Variants in SYNE1 observed in about 807,000 individuals in gnomAD.
SYNE1 encodes spectrin repeat containing nuclear envelope protein 1, also known as nesprin-1.
SYNE1 carries 616 observed loss-of-function variants against 1,111.0 expected under a neutral mutation model. The observed-to-expected ratio is 0.55, with a 90% CI of 0.52 to 0.59. SYNE1 has a LOEUF of 0.59. Ranked by LOEUF, SYNE1 falls within the 20% of genes least tolerant of loss-of-function variation. The probability of loss-of-function intolerance (pLI) is 0.00; values close to 1 mark genes in which losing one functional copy is unlikely to be tolerated. For missense variants in SYNE1, 10,006 were observed against 10,417.0 expected, an observed-to-expected ratio of 0.96 and a Z score of 1.72; for synonymous variants, 3,855 against 3,825.8, an observed-to-expected ratio of 1.01 and a Z score of -0.28.
intron 46 of SYNE1, among the ~76,000 whole-genome samples, chr6:152,403,353 G>A (rs2097849651): frequency 1.3e-5 from 2 of 152,172 alleles, no homozygotes; most frequent in Admixed American, 1.3e-4. Flanking sequence ...GAGGTTTATA[G>A]TGGTGATCCC....
intron 34 of SYNE1, chr6:152,433,515 A>G (rs2098448019): frequency 6.7e-6 from 3 of 446,744 alleles, no homozygotes; most frequent in Non-Finnish European, 1.2e-5. Flanking sequence ...TTCAAAATCA[A>G]GGAAAAGAAT....
At chr6:152,316,381 C>T (rs945598204) in intron 87 of SYNE1, 9 of 195,078 alleles carry the variant, frequency 4.6e-5, no homozygotes, top group African/African-American at 2.1e-4. Context: ...TTATTTACGT[C>T]TTCATACAAA....
chr6:152,206,368 AG>A lies in SYNE1; in HGVS notation c.22825-7del, dbSNP rs762524610. 6.2e-7 allele frequency: 1 copy of A among 1,613,526 alleles called. No homozygotes were observed. The highest frequency in any genetic ancestry group is 1.1e-5 in the South Asian group (1 of 91,058). ...AGAAACACTTTTTCTTTGAACTGAA[AG>A]GAACCATAGCTTTTTATTTTCTCAT... On this transcript the variant is annotated splice_polypyrimidine_tract_variant and splice_region_variant and intron_variant, in intron 125 of 145. Coordinates refer to ENST00000367255, the MANE Select transcript of SYNE1 (RefSeq NM_182961.4).
chr6:152,508,354 A>G (rs2099068936), intron 8 of SYNE1, among the ~76,000 whole-genome samples: 1 of 152,210 alleles, frequency 6.6e-6, no homozygotes, highest in African/African-American at 2.4e-5. Context: ...TGGCCCAGAT[A>G]AGGAAAGTAA....
intron 3 of SYNE1, among the ~76,000 whole-genome samples, chr6:152,579,226 T>A (rs897408270): frequency 1.4e-4 from 21 of 152,198 alleles, no homozygotes; most frequent in Admixed American, 1.0e-3. Flanking sequence ...GGTGAGCTAT[T>A]GGGACTGCTG....
At position 152,526,080 on chromosome 6, in the gene SYNE1, C is replaced by T. The variant is rs1205399326; in HGVS notation, c.225G>A (p.Leu75=). ...TATGATCACACAAAAAAATTCTTAC[C>T]AGTTTCTGCCCAGACAGGACCTCCA... is the stretch of plus-strand genomic sequence containing the variant. ...ALLEVLSGQK[L]PCEQGRRMKR... Residue 75 remains leucine (L), a splice_region_variant and synonymous_variant, in exon 5 of 146, where the codon CTG becomes CTA. Transcript: ENST00000367255. 2 of 1,613,638 alleles carry T rather than the reference C, an allele frequency of 1.2e-6. No individual in the cohort carries two copies. Among genetic ancestry groups the T allele is most frequent in the Admixed American group, 1.7e-5 (1 of 59,956 alleles).
At chr6:152,615,412 A>G (rs1464485066) in intron 3 of SYNE1, among the ~76,000 whole-genome samples, 1 of 126,634 alleles carries the variant, frequency 7.9e-6, no homozygotes, top group Non-Finnish European at 1.7e-5. Context: ...CCAAGACTCA[A>G]TGTTGTCTTG....
intron 78 of SYNE1, among the ~76,000 whole-genome samples, chr6:152,328,615 T>C (rs1282963388): frequency 1.3e-5 from 2 of 151,894 alleles, no homozygotes; most frequent in Non-Finnish European, 2.9e-5. Flanking sequence ...TTTCACCATG[T>C]TGGTCAGGCT....
intron 6 of SYNE1, among the ~76,000 whole-genome samples, chr6:152,518,245 T>C (rs2099122274): frequency 6.7e-6 from 1 of 150,284 alleles, no homozygotes; most frequent in South Asian, 2.1e-4. Context: ...TGATATAGTT[T>C]GTATACATGT....
At chr6:152,302,581 C>T (rs1235699406) in intron 91 of SYNE1, among the ~76,000 whole-genome samples, 2 of 152,132 alleles carry the variant, frequency 1.3e-5, no homozygotes, top group African/African-American at 4.8e-5. Flanking sequence ...CCTGTCTGTT[C>T]CTATGTCTCT....
Position 152,347,143 on chromosome 6 carries a change from C to A in SYNE1, c.11994G>T (p.Leu3998=). The part of the protein sequence containing the change: ...DTLIGQCADH[L]QAKLKQNVHA... ...GCACGTTTTGTTTAAGTTTCGCTTG[C>A]AGGTGGTCTGCACATTGGCCAATCA... The change falls in exon 73 of 146, where the codon CTG becomes CTT. Residue 3998 remains leucine, a synonymous_variant. Coordinates refer to ENST00000367255, the MANE Select transcript of SYNE1 (RefSeq NM_182961.4). 6.2e-7 allele frequency: 1 copy of A among 1,614,168 alleles called. No individual in the cohort carries two copies. Among genetic ancestry groups the A allele is most frequent in the Non-Finnish European group, 8.5e-7 (1 of 1,180,038 alleles).
At chr6:152,220,321 C>T (rs2079848841) in intron 119 of SYNE1, among the ~76,000 whole-genome samples, 1 of 152,112 alleles carries the variant, frequency 6.6e-6, no homozygotes, top group Non-Finnish European at 1.5e-5. Context: ...GTTCCTTAAA[C>T]CCTTAAGTAG....
At chr6:152,436,747 T>C (rs1455874748) in intron 32 of SYNE1, among the ~76,000 whole-genome samples, 2 of 152,226 alleles carry the variant, frequency 1.3e-5, no homozygotes, top group African/African-American at 4.8e-5. Context: ...TATTCACAAA[T>C]ATGCTTACTT....
intron 127 of SYNE1, 134 bp from the exon 128 acceptor site, chr6:152,189,541 C>A: frequency 1.3e-6 from 1 of 770,822 alleles, no homozygotes; most frequent in Non-Finnish European, 2.1e-6. Flanking sequence ...GATCTAGAGG[C>A]ACATCATGGC....
rs771778910 is a variant in SYNE1, at chr6:152,189,322, G to A, written c.23231C>T (p.Ala7744Val). 6.2e-7 allele frequency: 1 copy of A among 1,613,864 alleles called. No individual in the cohort carries two copies. Among genetic ancestry groups the A allele is most frequent in the East Asian group, 2.2e-5 (1 of 44,872 alleles). Reference protein sequence around the residue: ...LKDTLSAYISADDISILNERV... With the variant: ...LKDTLSAYISVDDISILNERV... ...TTCATTAAGAATGGAGATATCATCA[G>A]CACTGATATAGGCAGAGAGGGTGTC... The change falls in exon 128 of 146, where the codon GCT becomes GTT. Residue 7744 changes from alanine to valine, a missense_variant. Physicochemically the swap from Ala to Val is moderately conservative, Grantham distance 64. This residue lies in a region of SYNE1 where 2,182 missense variants were observed against 2,287.8 expected (regional missense o/e 0.95). Transcript: ENST00000367255.
intron 3 of SYNE1, among the ~76,000 whole-genome samples, chr6:152,590,997 G>A (rs1008752368): frequency 6.6e-6 from 1 of 152,116 alleles, no homozygotes; most frequent in Non-Finnish European, 1.5e-5. Flanking sequence ...TTTTTACGAT[G>A]TTGATTCTTT....
rs368652124 is a variant in SYNE1, at chr6:152,317,135, CT to C, written c.16573-150del. The C allele has an allele frequency of 1.3e-4, 116 of 912,700 alleles. 1 individual carries two copies. In the South Asian group the frequency reaches 1.7e-3, roughly 14 times the overall value. The allele number at this position is 912,700 out of a possible 1,614,324, so 56.5% of individuals were successfully genotyped here. Reference sequence around the variant, plus strand: ...TCAATGGTATCAAAAGATCGTTTCCCTGTTAAAATCTGTCAAAGCTTTCTCA... The same window carrying C: ...TCAATGGTATCAAAAGATCGTTTCCCGTTAAAATCTGTCAAAGCTTTCTCA... On this transcript the variant is annotated intron_variant, in intron 86 of 145. Coordinates refer to ENST00000367255, the MANE Select transcript of SYNE1 (RefSeq NM_182961.4).
At chr6:152,525,648 C>T (rs536609304) in intron 5 of SYNE1, among the ~76,000 whole-genome samples, 16 of 152,204 alleles carry the variant, frequency 1.1e-4, no homozygotes, top group Middle Eastern at 3.4e-3. Context: ...ATGAAAAATG[C>T]CACACTGGTT....
At chr6:152,240,802 A>G (rs866137106) in intron 107 of SYNE1, among the ~76,000 whole-genome samples, 2 of 152,192 alleles carry the variant, frequency 1.3e-5, no homozygotes, top group Non-Finnish European at 2.9e-5. Flanking sequence ...ATAGCTAGTC[A>G]CGGCAGAGCT....
Sources: gnomAD v4.1 joint callset for allele counts (sites outside exome capture counted in the v4.1 genomes callset) on GRCh38, gnomAD v4.1.1 for gene constraint, gnomAD v4.1.1 regional missense constraint, MANE v1.5 for transcripts, NCBI Gene and HGNC (gene_info 2026-07-23, HGNC 2026-07-21) for gene names.